The following PSMA2 variants were observed in gnomAD, a reference collection of about 807,000 sequenced individuals.
PSMA2 encodes the protein proteasome subunit alpha type-2.
A neutral mutation model predicts 35.9 loss-of-function variants in PSMA2; 2 were observed. That is an observed-to-expected ratio of 0.06 (90% CI 0.02 to 0.18). PSMA2 has a LOEUF of 0.18. Ranked by LOEUF, PSMA2 falls within the 10% of genes least tolerant of loss-of-function variation. PSMA2 has a pLI of 1.00. For synonymous variants in PSMA2, 97 were observed against 98.2 expected (o/e 0.99, Z 0.07); for missense variants, 126 against 278.8 (o/e 0.45, Z 3.90).
intron 1 of PSMA2, among the ~76,000 whole-genome samples, chr7:42,930,172 T>C (rs774085): frequency 0.84 from 127,935 of 151,994 alleles, 54,103 homozygotes; most frequent in South Asian, 0.91. Flanking sequence ...AAATATTTTC[T>C]TTTTATCTAA....
At chr7:42,920,568 A>G (rs1786110759) in intron 6 of PSMA2, 1 of 152,226 alleles carries the variant, frequency 6.6e-6, no homozygotes, top group South Asian at 2.1e-4. Context: ...AATTATTTTT[A>G]GTTGTCTAAA....
chr7:42,919,717 A>T, intron 6 of PSMA2: 2 of 585,824 alleles, frequency 3.4e-6, no homozygotes, highest in Non-Finnish European at 3.2e-6. Context: ...AGCTCCTGCA[A>T]ACATTAACTC....
Position 42,929,074 on chromosome 7 carries a change from T to G in PSMA2, c.42-1615A>C, listed in dbSNP as rs1786255802. Among the ~76,000 whole-genome samples the G allele has an allele frequency of 2.0e-5, 3 of 152,098 alleles. 1 individual carries two copies. The South Asian group carries it at 6.2e-4, about 32-fold the overall frequency. On this transcript the variant is annotated intron_variant, in intron 1 of 7. Transcript: ENST00000223321. ...CAATCCTCCTGCCTCGGTCTCTTTA[T>G]TATTTTTACAATATTTGTCTTCCTC...
intron 6 of PSMA2, chr7:42,918,946 C>G: frequency 5.3e-6 from 1 of 187,698 alleles, no homozygotes; most frequent in South Asian, 1.0e-4. Flanking sequence ...GCCTCAGCCT[C>G]CCGAGTAGCT....
intron 2 of PSMA2, 107 bp from the exon 3 acceptor site, chr7:42,926,775 T>G: frequency 7.9e-7 from 1 of 1,258,154 alleles, no homozygotes; most frequent in South Asian, 1.8e-5. Context: ...TTCCTTTAAT[T>G]TATAAAACCT....
In PSMA2 at chr7:42,930,225, G is replaced by GCA. The variant is rs60660330; in HGVS notation, c.41+1891_41+1892dup. Among the ~76,000 whole-genome samples, 662 of 150,370 alleles carry GCA rather than the reference G, an allele frequency of 4.4e-3. 4 individuals are homozygous for GCA. Among genetic ancestry groups the GCA allele is most frequent in the African/African-American group, 0.014 (583 of 40,798 alleles). ...TGTTAAAACACACACACACACACAC[G>GCA]CACACACACACACACACACACACAA... On this transcript the variant is annotated intron_variant, in intron 1 of 7. Coordinates refer to ENST00000223321, the MANE Select transcript of PSMA2 (RefSeq NM_002787.5).
rs545821768 is a variant in PSMA2, at chr7:42,922,718, G to C, written c.456+607C>G. Among the ~76,000 whole-genome samples, 78 of 152,270 alleles carry C rather than the reference G, an allele frequency of 5.1e-4. 1 individual carries two copies. In the Middle Eastern group the frequency reaches 0.01, roughly 20 times the overall value. On this transcript the variant is annotated intron_variant, in intron 5 of 7. Transcript: ENST00000223321. ...TATAAGGTTTGCATTGAGTGAACCT[G>C]TAATTATCTAATAATCCATAAAACA...
At chr7:42,925,839 T>C (rs1786203835) in intron 3 of PSMA2, among the ~76,000 whole-genome samples, 1 of 152,232 alleles carries the variant, frequency 6.6e-6, no homozygotes, top group African/African-American at 2.4e-5. Flanking sequence ...TCCACTGACC[T>C]TGTTGCGTTG....
Position 42,924,781 on chromosome 7 carries a change from C to T in PSMA2, c.268G>A (p.Ala90Thr). The stretch of plus-strand genomic sequence containing the variant: ...TAGTATTGTTGAGCTAGTTTTCGAG[C>T]TCTGTGCACAAGCACTCTAACAAGG... ...GPDYRVLVHRARKLAQQYYLV... is the reference protein window; with the variant it reads ...GPDYRVLVHRTRKLAQQYYLV... Residue 90 changes from alanine to threonine, a missense_variant, in exon 4 of 8, where the codon GCT becomes ACT. Ala to Thr is a moderately conservative substitution (Grantham distance 58). Around this residue, in one of 3 missense-constraint regions of PSMA2, gnomAD observed 78 missense variants for 151.1 expected, o/e 0.52. Transcript: ENST00000223321. The T allele has an allele frequency of 6.2e-7, 1 of 1,611,868 alleles. No individual in the cohort carries two copies. Among genetic ancestry groups the T allele is most frequent in the Non-Finnish European group, 8.5e-7 (1 of 1,178,582 alleles).
At chr7:42,923,025 G>A (rs906494948) in intron 5 of PSMA2, among the ~76,000 whole-genome samples, 1 of 152,154 alleles carries the variant, frequency 6.6e-6, no homozygotes, top group Non-Finnish European at 1.5e-5. Flanking sequence ...ATCTTCAATT[G>A]CAGTATTTCC....
In PSMA2 at chr7:42,924,761, T is replaced by A. The variant is rs200851330; in HGVS notation, c.288A>T (p.Gln96His). The change falls in exon 4 of 8, where the codon CAA (glutamine) becomes CAT (histidine). Residue 96 changes from glutamine to histidine, a missense_variant. Coordinates refer to ENST00000223321, the MANE Select transcript of PSMA2 (RefSeq NM_002787.5). ...LVHRARKLAQ[Q>H]YYLVYQEPIP... is the part of the protein sequence containing the mutation. ...TGGGTTCTTGGTACACAAGATAGTA[T>A]TGTTGAGCTAGTTTTCGAGCTCTGT... The A allele has an allele frequency of 8.7e-6, 14 of 1,612,826 alleles. No individual in the cohort carries two copies. Among genetic ancestry groups the A allele is most frequent in the Non-Finnish European group, 1.2e-5 (14 of 1,179,234 alleles).
intron 3 of PSMA2, among the ~76,000 whole-genome samples, chr7:42,925,039 T>TTA (rs1222724790): frequency 6.6e-6 from 1 of 152,144 alleles, no homozygotes; most frequent in Admixed American, 6.6e-5. Context: ...AATGAGAACT[T>TTA]TATCTTGCTC....
intron 4 of PSMA2, 149 bp downstream of exon 4, chr7:42,924,526 G>C: frequency 1.2e-6 from 1 of 819,502 alleles, no homozygotes; most frequent in Non-Finnish European, 1.8e-6. Flanking sequence ...TCCAGAGCCA[G>C]ATAAGATCAG....
At chr7:42,922,053 TAG>T (rs1272438578) in intron 5 of PSMA2, 122 bp from the exon 6 acceptor site, 1 of 738,984 alleles carries the variant, frequency 1.4e-6, no homozygotes, top group Non-Finnish European at 2.2e-6. Context: ...AGAATATTAT[TAG>T]AATGGAAAAC....
rs182237306 is a variant in PSMA2, at chr7:42,924,417, G to A, written c.374+258C>T. 1.4e-4 allele frequency among the ~76,000 whole-genome samples: 21 copies of A among 145,996 alleles called. No individual in the cohort carries two copies. In the South Asian group the frequency reaches 4.6e-3, roughly 32 times the overall value. On this transcript the variant is annotated intron_variant, in intron 4 of 7. Coordinates refer to ENST00000223321, the MANE Select transcript of PSMA2 (RefSeq NM_002787.5). ...GTTGCAATGATTGTCTGTCCATAAA[G>A]TGTTTTAATCACTGGCAAAAGAACT...
At chr7:42,922,719 T>C (rs1182090977) in intron 5 of PSMA2, among the ~76,000 whole-genome samples, 2 of 152,208 alleles carry the variant, frequency 1.3e-5, no homozygotes, top group African/African-American at 4.8e-5. Flanking sequence ...AGTGAACCTG[T>C]AATTATCTAA....
intron 6 of PSMA2, 104 bp downstream of exon 6, chr7:42,921,754 A>T (rs1786132422): frequency 1.1e-6 from 1 of 895,796 alleles, no homozygotes; most frequent in Non-Finnish European, 1.8e-6. Context: ...TATACAGAGT[A>T]ATATAGCAAG....
At chr7:42,923,236 A>G (rs939328887) in intron 5 of PSMA2, 89 bp downstream of exon 5, 10 of 1,007,132 alleles carry the variant, frequency 9.9e-6, no homozygotes, top group Non-Finnish European at 1.5e-5. Context: ...AAATACTGCT[A>G]AATTGTAAAG....
chr7:42,917,922 T>A, intron 6 of PSMA2, 87 bp from the exon 7 acceptor site: 4 of 909,860 alleles, frequency 4.4e-6, no homozygotes, highest in Non-Finnish European at 5.0e-6. Flanking sequence ...CGTAAGTTTT[T>A]AAAACTCTAA....
Sources: gnomAD v4.1 joint callset for allele counts (sites outside exome capture counted in the v4.1 genomes callset) on GRCh38, gnomAD v4.1.1 for gene constraint, gnomAD v4.1.1 regional missense constraint, MANE v1.5 for transcripts, NCBI Gene and HGNC (gene_info 2026-07-23, HGNC 2026-07-21) for gene names.